ARHGAP18: variants seen among roughly 807,000 people sequenced by gnomAD.
ARHGAP18 encodes rho GTPase-activating protein 18.
Under a neutral mutation model 86.2 loss-of-function variants are expected in ARHGAP18, and 67 were observed. The observed-to-expected ratio is 0.78, with a 90% CI of 0.64 to 0.95. ARHGAP18 has a LOEUF of 0.95. Among genes scored for constraint, ARHGAP18 ranks in the 40% least tolerant of loss-of-function variants. ARHGAP18 has a pLI of 0.00. For missense variants in ARHGAP18, 691 were observed against 780.4 expected, an observed-to-expected ratio of 0.89 and a Z score of 1.37; for synonymous variants, 283 against 280.4, an observed-to-expected ratio of 1.01 and a Z score of -0.09.
Position 129,577,794 on chromosome 6 carries a change from TTTTA to T in ARHGAP18, c.*715_*718del, listed in dbSNP as rs1209608170. The T allele has an allele frequency of 1.3e-5, 2 of 152,184 alleles. No individual in the cohort carries two copies. The highest frequency in any genetic ancestry group is 1.3e-4 in the Admixed American group (2 of 15,264). 9.4% of individuals were successfully genotyped at this position (152,184 alleles called of 1,614,324 possible). A position where few individuals can be genotyped will look rare whatever the true frequency, so the allele number is the denominator to read the frequency against. ...CCAATTATTATTTCACATGGGTATA[TTTTA>T]TTTATTCTTAGTATATAAGTATTTA... is the stretch of plus-strand genomic sequence containing the variant. On this transcript the variant is annotated 3_prime_UTR_variant, in exon 15 of 15. Transcript: ENST00000368149.
intron 13 of ARHGAP18, among the ~76,000 whole-genome samples, chr6:129,581,208 G>A (rs1788280123): frequency 6.6e-6 from 1 of 152,142 alleles, no homozygotes; most frequent in African/African-American, 2.4e-5. Flanking sequence ...GGAAGAGCAT[G>A]GTACAGCAGC....
chr6:129,689,176 C>T (rs1167705871), intron 1 of ARHGAP18, among the ~76,000 whole-genome samples: 1 of 152,138 alleles, frequency 6.6e-6, no homozygotes, highest in African/African-American at 2.4e-5. Flanking sequence ...ACAAACTTAC[C>T]AGTCTCCAGC....
chr6:129,613,329 T>G (rs918960704), intron 7 of ARHGAP18, among the ~76,000 whole-genome samples: 4 of 152,086 alleles, frequency 2.6e-5, no homozygotes, highest in African/African-American at 9.7e-5. Context: ...TAGCAAAAAT[T>G]TTAGGCGAAT....
At chr6:129,588,688 G>A (rs1788449877) in intron 12 of ARHGAP18, among the ~76,000 whole-genome samples, 1 of 152,186 alleles carries the variant, frequency 6.6e-6, no homozygotes, top group South Asian at 2.1e-4. Flanking sequence ...GTGTCCCAGT[G>A]GGGACTCTGT....
At chr6:129,707,855 T>C (rs1774827725) in intron 1 of ARHGAP18, among the ~76,000 whole-genome samples, 1 of 152,084 alleles carries the variant, frequency 6.6e-6, no homozygotes, top group Non-Finnish European at 1.5e-5. Flanking sequence ...GGAGAACTTC[T>C]TTAAATAGGC....
At chr6:129,611,705 C>A in intron 7 of ARHGAP18, 95 bp from the exon 8 acceptor site, 1 of 1,017,922 alleles carries the variant, frequency 9.8e-7, no homozygotes, top group Non-Finnish European at 1.5e-6. Context: ...AAACTGATTA[C>A]AATGACATGT....
intron 10 of ARHGAP18, among the ~76,000 whole-genome samples, chr6:129,605,648 A>G (rs1214200624): frequency 4.6e-5 from 7 of 152,210 alleles, no homozygotes; most frequent in Admixed American, 1.3e-4. Flanking sequence ...GGTTTGGAAG[A>G]AGAAATGTTA....
At chr6:129,624,861 C>T (rs1242766227) in intron 5 of ARHGAP18, among the ~76,000 whole-genome samples, 1 of 149,294 alleles carries the variant, frequency 6.7e-6, no homozygotes, top group African/African-American at 2.5e-5. Flanking sequence ...AGGAGAATTG[C>T]TTGTATCCAG....
chr6:129,671,139 A>T (rs1020447670), intron 1 of ARHGAP18, among the ~76,000 whole-genome samples: 1 of 152,188 alleles, frequency 6.6e-6, no homozygotes, highest in Non-Finnish European at 1.5e-5. Flanking sequence ...AGTAAAGTTC[A>T]AGTAATTTAT....
intron 1 of ARHGAP18, among the ~76,000 whole-genome samples, chr6:129,672,740 C>CT (rs1325439560): frequency 6.6e-6 from 1 of 152,200 alleles, no homozygotes; most frequent in African/African-American, 2.4e-5. Context: ...CCAATAATGT[C>CT]TTTGTTCATG....
In ARHGAP18 at chr6:129,629,428, G is replaced by C. The variant is rs367609881; in HGVS notation, c.711C>G (p.Ala237=). 5 of 1,613,696 alleles carry C rather than the reference G, an allele frequency of 3.1e-6. No homozygotes were observed. Among genetic ancestry groups the C allele is most frequent in the East Asian group, 4.5e-5 (2 of 44,896 alleles). The change falls in exon 5 of 15, where the codon GCC becomes GCG. Residue 237 remains alanine, a synonymous_variant. Coordinates refer to ENST00000368149, the MANE Select transcript of ARHGAP18 (RefSeq NM_033515.3). Reference sequence around the variant, plus strand: ...TCTCTTTCTGATTGAGTGCTTGCTCGGCAAATGATACCTCCAGGTTGATGT... The same window carrying C: ...TCTCTTTCTGATTGAGTGCTTGCTCCGCAAATGATACCTCCAGGTTGATGT... ...ETDINLEVSF[A]EQALNQKESS...
intron 5 of ARHGAP18, among the ~76,000 whole-genome samples, chr6:129,625,140 T>C (rs1444808729): frequency 6.1e-5 from 1 of 16,304 alleles, no homozygotes; most frequent in Non-Finnish European, 8.2e-5. Flanking sequence ...ATATGATATA[T>C]ATTATATATT....
At chr6:129,628,407 T>G (rs1171045338) in intron 5 of ARHGAP18, among the ~76,000 whole-genome samples, 1 of 152,166 alleles carries the variant, frequency 6.6e-6, no homozygotes, top group African/African-American at 2.4e-5. Context: ...AAGTTACAAA[T>G]GGATGGTGAA....
At chr6:129,656,144 G>A (rs1773830182) in intron 1 of ARHGAP18, among the ~76,000 whole-genome samples, 2 of 152,198 alleles carry the variant, frequency 1.3e-5, no homozygotes, top group Admixed American at 1.3e-4. Context: ...TATACATGCT[G>A]ATGTTTGAAG....
chr6:129,577,536 A>G lies in ARHGAP18; in HGVS notation c.*977T>C, dbSNP rs2114419860. On this transcript the variant is annotated 3_prime_UTR_variant, in exon 15 of 15. Coordinates refer to ENST00000368149, the MANE Select transcript of ARHGAP18 (RefSeq NM_033515.3). ...TTATTTAAAATAAGAACACAAACAA[A>G]AGCTTTTTCACCCAGAAGAATAATT... 1 of 152,220 alleles carries G rather than the reference A, an allele frequency of 6.6e-6. No individual in the cohort carries two copies. The highest frequency in any genetic ancestry group is 6.5e-5 in the Admixed American group (1 of 15,284). 9.4% of individuals were successfully genotyped at this position (152,220 alleles called of 1,614,324 possible).
chr6:129,611,424 C>A, intron 8 of ARHGAP18, 109 bp downstream of exon 8: 1 of 841,022 alleles, frequency 1.2e-6, no homozygotes, highest in Non-Finnish European at 1.9e-6. Flanking sequence ...TTTATTTTAT[C>A]TACTTTACTA....
chr6:129,655,326 A>C (rs1773806932), intron 1 of ARHGAP18, among the ~76,000 whole-genome samples: 1 of 114,202 alleles, frequency 8.8e-6, no homozygotes, highest in African/African-American at 3.4e-5. Context: ...TCAAAAAAAA[A>C]AAAAAAAAAA....
chr6:129,605,813 C>G, intron 10 of ARHGAP18, 64 bp downstream of exon 10: 1 of 1,445,976 alleles, frequency 6.9e-7, no homozygotes, highest in Non-Finnish European at 9.7e-7. Context: ...TGTTTTGCCA[C>G]AAATAATGAA....
At chr6:129,642,859 CTTTA>C (rs1393517020) in intron 1 of ARHGAP18, among the ~76,000 whole-genome samples, 2 of 152,008 alleles carry the variant, frequency 1.3e-5, no homozygotes, top group Non-Finnish European at 2.9e-5. Flanking sequence ...AATTTCTAAT[CTTTA>C]TTTATAAATG....
Sources: gnomAD v4.1 joint callset for allele counts (sites outside exome capture counted in the v4.1 genomes callset) on GRCh38, gnomAD v4.1.1 for gene constraint, MANE v1.5 for transcripts, NCBI Gene and HGNC (gene_info 2026-07-23, HGNC 2026-07-21) for gene names.